Variants in PLCL2 observed in about 807,000 individuals in gnomAD.
PLCL2 encodes inactive phospholipase C-like protein 2.
A neutral mutation model predicts 79.6 loss-of-function variants in PLCL2; 4 were observed. The ratio of observed to expected loss-of-function variants is 0.05; its 90% CI spans 0.02 to 0.11. The LOEUF is 0.11. Among genes scored for constraint, PLCL2 ranks in the 10% least tolerant of loss-of-function variants. The pLI is 1.00. For missense variants in PLCL2, 895 were observed against 1,291.0 expected (o/e 0.69, Z 4.70); for synonymous variants, 484 against 457.7 (o/e 1.06, Z -0.73).
intron 1 of PLCL2, among the ~76,000 whole-genome samples, chr3:16,936,763 A>C (rs1312772990): frequency 1.3e-5 from 2 of 152,322 alleles, no homozygotes; most frequent in Non-Finnish European, 2.9e-5. Flanking sequence ...TTTTTCAAAA[A>C]AACGAGGCTG....
chr3:17,035,944 T>C (rs2124914195), intron 3 of PLCL2, among the ~76,000 whole-genome samples: 1 of 152,322 alleles, frequency 6.6e-6, no homozygotes, highest in Middle Eastern at 3.4e-3. Flanking sequence ...TCAAGTTCTT[T>C]CTACAACTTT....
intron 1 of PLCL2, among the ~76,000 whole-genome samples, chr3:16,927,639 T>G (rs1697286637): frequency 6.6e-6 from 1 of 152,204 alleles, no homozygotes; most frequent in Non-Finnish European, 1.5e-5. Flanking sequence ...TAATTATTTG[T>G]TGTGGGGGCT....
chr3:16,889,704 T>C (rs1696303551), intron 1 of PLCL2, among the ~76,000 whole-genome samples: 1 of 152,220 alleles, frequency 6.6e-6, no homozygotes, highest in Non-Finnish European at 1.5e-5. Flanking sequence ...ATTATACACA[T>C]TTAAATGAAA....
At chr3:16,956,461 G>A (rs1213207088) in intron 1 of PLCL2, among the ~76,000 whole-genome samples, 1 of 152,164 alleles carries the variant, frequency 6.6e-6, no homozygotes, top group Non-Finnish European at 1.5e-5. Flanking sequence ...TTGCATCAAT[G>A]TTCATCAAGG....
At chr3:17,084,451 A>C (rs2065195358) in intron 5 of PLCL2, among the ~76,000 whole-genome samples, 1 of 152,214 alleles carries the variant, frequency 6.6e-6, no homozygotes, top group African/African-American at 2.4e-5. Context: ...GTTTTACCTT[A>C]ATACCAAACC....
intron 1 of PLCL2, among the ~76,000 whole-genome samples, chr3:16,948,771 A>G (rs1173681798): frequency 1.3e-5 from 2 of 152,192 alleles, no homozygotes; most frequent in African/African-American, 4.8e-5. Context: ...ATATCATTGT[A>G]CTTATCTACC....
rs530028427 is a variant in PLCL2 at position 17,087,203 on chromosome 3, T to A, written c.3205-2530T>A. On this transcript the variant is annotated intron_variant, in intron 5 of 5. Transcript: ENST00000615277. The stretch of plus-strand genomic sequence containing the variant: ...ACTTATGTCAACACAAAAATCTGCA[T>A]ACAGATGCTTATAGCAGAGTTATTT... 3.9e-5 allele frequency among the ~76,000 whole-genome samples: 6 copies of A among 152,348 alleles called. No individual in the cohort carries two copies. The East Asian group carries it at 1.2e-3, about 29-fold the overall frequency.
At chr3:17,027,996 A>C (rs2064537044) in intron 3 of PLCL2, among the ~76,000 whole-genome samples, 1 of 152,158 alleles carries the variant, frequency 6.6e-6, no homozygotes, top group Admixed American at 6.6e-5. Flanking sequence ...AACTAATTTA[A>C]CCTCACATAT....
Position 17,052,181 on chromosome 3 carries a change from A to G in PLCL2, c.3094+9232A>G, listed in dbSNP as rs1161544929. On this transcript the variant is annotated intron_variant, in intron 4 of 5. Transcript: ENST00000615277. ...GCTGGAGAAAACCGTCCAGATGTTC[A>G]CACGATTTATAACAGAGCTGCTGAA... is the stretch of plus-strand genomic sequence containing the variant. Among the ~76,000 whole-genome samples the G allele has an allele frequency of 3.3e-5, 5 of 150,008 alleles. No individual in the cohort carries two copies. The East Asian group carries it at 1.0e-3, about 30-fold the overall frequency.
intron 1 of PLCL2, among the ~76,000 whole-genome samples, chr3:16,922,848 A>AT (rs1319562770): frequency 1.3e-5 from 2 of 152,126 alleles, no homozygotes; most frequent in African/African-American, 4.8e-5. Flanking sequence ...CCCACCCTCC[A>AT]TCAAGGCATC....
intron 1 of PLCL2, among the ~76,000 whole-genome samples, chr3:16,966,401 G>A (rs1228815150): frequency 6.6e-6 from 1 of 152,102 alleles, no homozygotes; most frequent in East Asian, 1.9e-4. Context: ...TTTTTAATGT[G>A]TTGCTGGATT....
chr3:17,041,084 T>C (rs749803624), intron 3 of PLCL2, among the ~76,000 whole-genome samples: 1 of 152,218 alleles, frequency 6.6e-6, no homozygotes. Context: ...GATGACGGTA[T>C]GGACCTTTTC....
intron 1 of PLCL2, among the ~76,000 whole-genome samples, chr3:16,950,987 G>T (rs2063646164): frequency 6.6e-6 from 1 of 152,034 alleles, no homozygotes; most frequent in Non-Finnish European, 1.5e-5. Context: ...TCTGGTTTGT[G>T]TATGAGGGCT....
At chr3:16,939,673 C>G (rs1056010562) in intron 1 of PLCL2, among the ~76,000 whole-genome samples, 3 of 152,098 alleles carry the variant, frequency 2.0e-5, no homozygotes, top group African/African-American at 7.2e-5. Context: ...CTCAGTGGAA[C>G]AAAAATGAGG....
intron 4 of PLCL2, among the ~76,000 whole-genome samples, chr3:17,054,972 C>G (rs1480902943): frequency 1.3e-5 from 2 of 152,090 alleles, no homozygotes; most frequent in South Asian, 4.1e-4. Flanking sequence ...TATGTGATTC[C>G]CTGATGGCCC....
chr3:16,989,840 G>A (rs1033052525), intron 1 of PLCL2, among the ~76,000 whole-genome samples: 1 of 152,134 alleles, frequency 6.6e-6, no homozygotes, highest in African/African-American at 2.4e-5. Context: ...TAAATATGTA[G>A]CTAGATAGCG....
intron 1 of PLCL2, among the ~76,000 whole-genome samples, chr3:16,915,902 A>G (rs1295803365): frequency 6.6e-6 from 1 of 152,208 alleles, no homozygotes; most frequent in African/African-American, 2.4e-5. Context: ...ACATTTCAGA[A>G]GCAGGGAATG....
intron 1 of PLCL2, among the ~76,000 whole-genome samples, chr3:16,934,552 G>A (rs1053424237): frequency 6.6e-6 from 1 of 152,178 alleles, no homozygotes; most frequent in Non-Finnish European, 1.5e-5. Context: ...TGTCAAGGAG[G>A]TTGGACATAA....
At chr3:17,033,301 A>G (rs1422494241) in intron 3 of PLCL2, among the ~76,000 whole-genome samples, 1 of 152,174 alleles carries the variant, frequency 6.6e-6, no homozygotes, top group Non-Finnish European at 1.5e-5. Flanking sequence ...AGAAATGATC[A>G]TTAAAATAGT....
Sources: allele counts gnomAD v4.1 joint callset (sites outside exome capture counted in the v4.1 genomes callset), GRCh38; gene constraint gnomAD v4.1.1; transcripts MANE v1.5; gene names NCBI Gene and HGNC (gene_info 2026-07-23, HGNC 2026-07-21).